NEDD9: variants seen among roughly 807,000 people sequenced by gnomAD.
The protein encoded by NEDD9 is neural precursor cell expressed, developmentally down-regulated 9.
NEDD9 carries 26 observed loss-of-function variants against 76.6 expected under a neutral mutation model. The ratio of observed to expected loss-of-function variants is 0.34; its 90% confidence interval spans 0.25 to 0.47. NEDD9 has a LOEUF of 0.47. Among genes scored for constraint, NEDD9 ranks in the 20% least tolerant of loss-of-function variants. The pLI is 1.00. For missense variants in NEDD9, 937 were observed against 1,058.5 expected (o/e 0.89, Z 1.59); for synonymous variants, 392 against 414.2 (o/e 0.95, Z 0.65).
intron 2 of NEDD9, among the ~76,000 whole-genome samples, chr6:11,310,754 T>A (rs941400202): frequency 1.3e-5 from 2 of 152,218 alleles, no homozygotes; most frequent in Non-Finnish European, 2.9e-5. Context: ...TGGTTTTATT[T>A]GCTGTCTTTC....
At chr6:11,281,018 T>G (rs186056062) in intron 3 of NEDD9, among the ~76,000 whole-genome samples, 146 of 152,360 alleles carry the variant, frequency 9.6e-4, no homozygotes, top group Admixed American at 2.2e-3. Context: ...AAGCATTCAA[T>G]GGTTGCTCAA....
intron 1 of NEDD9, among the ~76,000 whole-genome samples, chr6:11,341,708 T>C (rs1038400995): frequency 7.9e-5 from 12 of 152,230 alleles, no homozygotes; most frequent in Non-Finnish European, 1.8e-4. Flanking sequence ...TTGCAGGTAC[T>C]ATTGAAGAGT....
intron 1 of NEDD9, among the ~76,000 whole-genome samples, chr6:11,358,342 G>A (rs1174516939): frequency 6.6e-6 from 1 of 151,060 alleles, no homozygotes; most frequent in Non-Finnish European, 1.5e-5. Flanking sequence ...GATGTCAGAA[G>A]CTGCAGAAAC....
chr6:11,333,634 G>A (rs1203333343), intron 2 of NEDD9, among the ~76,000 whole-genome samples: 1 of 152,186 alleles, frequency 6.6e-6, no homozygotes, highest in African/African-American at 2.4e-5. Context: ...ACTCCCTCCT[G>A]GCAGGGAAGG....
intron 3 of NEDD9, among the ~76,000 whole-genome samples, chr6:11,250,431 A>C (rs184872390): frequency 1.3e-5 from 2 of 152,268 alleles, no homozygotes; most frequent in East Asian, 1.9e-4. Flanking sequence ...CAGCATCATA[A>C]ATGCTAAGGG....
At chr6:11,301,662 A>T (rs1020009435) in intron 3 of NEDD9, among the ~76,000 whole-genome samples, 1 of 151,950 alleles carries the variant, frequency 6.6e-6, no homozygotes, top group African/African-American at 2.4e-5. Context: ...ACCACAACAA[A>T]CTCTCCCTGA....
chr6:11,318,184 C>A (rs1761633786), intron 2 of NEDD9, among the ~76,000 whole-genome samples: 1 of 152,174 alleles, frequency 6.6e-6, no homozygotes, highest in East Asian at 1.9e-4. Flanking sequence ...CTCTTGGGTC[C>A]CCAGTTTGCC....
At chr6:11,295,843 C>A (rs537068485) in intron 3 of NEDD9, among the ~76,000 whole-genome samples, 1 of 152,196 alleles carries the variant, frequency 6.6e-6, no homozygotes, top group African/African-American at 2.4e-5. Flanking sequence ...GGGAATGCAA[C>A]CTGTGGTGTT....
intron 1 of NEDD9, among the ~76,000 whole-genome samples, chr6:11,381,153 G>A (rs1263478946): frequency 6.6e-6 from 1 of 152,186 alleles, no homozygotes; most frequent in Non-Finnish European, 1.5e-5. Flanking sequence ...ACCAAGCTTG[G>A]AAGAAAACAG....
chr6:11,202,450 G>A (rs1581952653), intron 2 of NEDD9, among the ~76,000 whole-genome samples: 1 of 152,082 alleles, frequency 6.6e-6, no homozygotes, highest in Non-Finnish European at 1.5e-5. Flanking sequence ...AAAACCTTAG[G>A]AAAAGAAACA....
At chr6:11,188,624 C>T (rs1299893902) in intron 5 of NEDD9, among the ~76,000 whole-genome samples, 1 of 152,056 alleles carries the variant, frequency 6.6e-6, no homozygotes, top group Non-Finnish European at 1.5e-5. Flanking sequence ...ACCTGTAAAC[C>T]CCCAAATGCA....
intron 3 of NEDD9, among the ~76,000 whole-genome samples, chr6:11,257,777 G>C (rs989612689): frequency 2.1e-5 from 3 of 141,042 alleles, no homozygotes; most frequent in South Asian, 2.3e-4. Flanking sequence ...TGTAGATTCT[G>C]TGTGTGTGTG....
At chr6:11,382,104 C>T (rs1014026981) in intron 1 of NEDD9, 4 of 152,280 alleles carry the variant, frequency 2.6e-5, no homozygotes, top group Non-Finnish European at 5.9e-5. Context: ...AGTCCCTCCT[C>T]TCCCACAGGC....
intron 2 of NEDD9, among the ~76,000 whole-genome samples, chr6:11,307,649 C>T (rs953632273): frequency 6.6e-5 from 10 of 151,534 alleles, no homozygotes; most frequent in African/African-American, 2.2e-4. Context: ...TATATATATA[C>T]ACACACACAT....
At chr6:11,326,502 G>T (rs939274182) in intron 2 of NEDD9, among the ~76,000 whole-genome samples, 1 of 152,196 alleles carries the variant, frequency 6.6e-6, no homozygotes, top group Non-Finnish European at 1.5e-5. Context: ...AACTTTTATT[G>T]TTCACAGAGG....
intron 2 of NEDD9, among the ~76,000 whole-genome samples, chr6:11,307,228 C>T (rs1160998966): frequency 6.6e-6 from 1 of 152,170 alleles, no homozygotes; most frequent in Non-Finnish European, 1.5e-5. Flanking sequence ...CCTAGAACTC[C>T]TTTCCAAACA....
intron 1 of NEDD9, among the ~76,000 whole-genome samples, chr6:11,381,239 T>G (rs1168012136): frequency 1.3e-5 from 2 of 152,130 alleles, no homozygotes; most frequent in African/African-American, 4.8e-5. Context: ...CCATGCTGGG[T>G]GGGAAACCAG....
upstream of NEDD9, chr6:11,233,240 G>A (rs760093915): frequency 3.9e-6 from 2 of 518,834 alleles, no homozygotes; most frequent in Non-Finnish European, 7.7e-6. Context: ...AACGTTCAAA[G>A]TACTTTGCGA....
chr6:11,323,925 T>G (rs988813212), intron 2 of NEDD9, among the ~76,000 whole-genome samples: 4 of 152,204 alleles, frequency 2.6e-5, no homozygotes, highest in African/African-American at 9.6e-5. Context: ...AAAGCAGAAG[T>G]GTGGCTCTCT....
Sources: allele counts gnomAD v4.1 joint callset (sites outside exome capture counted in the v4.1 genomes callset), GRCh38; gene constraint gnomAD v4.1.1; transcripts MANE v1.5; gene names NCBI Gene and HGNC (gene_info 2026-07-23, HGNC 2026-07-21).